COL28A1: variants seen among roughly 807,000 people sequenced by gnomAD.
COL28A1 encodes collagen alpha-1(XXVIII) chain.
A neutral mutation model predicts 150.2 loss-of-function variants in COL28A1; 161 were observed. The ratio of observed to expected loss-of-function variants is 1.07; its 90% CI spans 0.94 to 1.22. COL28A1 has a LOEUF of 1.22. Among genes scored for constraint, COL28A1 ranks in the 50% most tolerant of loss-of-function variants. The pLI is 0.00. For missense variants in COL28A1, 1,617 were observed against 1,388.3 expected (o/e 1.16, Z -2.62); for synonymous variants, 552 against 469.7 (o/e 1.18, Z -2.26).
At chr7:7,342,795 G>T in the COL28A1 span, among the ~76,000 whole-genome samples, 1 of 151,666 alleles carries the variant, frequency 6.6e-6, no homozygotes, top group Admixed American at 6.6e-5. Flanking sequence ...AATATTATTT[G>T]GGCAATGTTC....
chr7:7,398,753 G>C (rs918246300), intron 27 of COL28A1, among the ~76,000 whole-genome samples: 1 of 152,078 alleles, frequency 6.6e-6, no homozygotes, highest in African/African-American at 2.4e-5. Context: ...AGAGAGACAG[G>C]GTTGCCTTTA....
At chr7:7,503,984 C>T (rs928939972) in intron 11 of COL28A1, among the ~76,000 whole-genome samples, 19 of 151,972 alleles carry the variant, frequency 1.3e-4, no homozygotes, top group African/African-American at 4.4e-4. Flanking sequence ...AAAGAGAGGC[C>T]CTTGGGAAAT....
At chr7:7,359,718 G>C (rs10952051) in intron 34 of COL28A1, among the ~76,000 whole-genome samples, 118,078 of 151,962 alleles carry the variant, frequency 0.78, 46,061 homozygotes, top group East Asian at 0.88. Context: ...TTGGGGTATG[G>C]CTCGGTTCAT....
intron 15 of COL28A1, among the ~76,000 whole-genome samples, chr7:7,462,096 A>G (rs1180400879): frequency 6.6e-6 from 1 of 152,176 alleles, no homozygotes; most frequent in African/African-American, 2.4e-5. Context: ...AGCCCGGTAG[A>G]CTTGCTGGAT....
chr7:7,398,397 G>C (rs1263635675), intron 27 of COL28A1, among the ~76,000 whole-genome samples: 2 of 152,148 alleles, frequency 1.3e-5, no homozygotes, highest in African/African-American at 2.4e-5. Context: ...GATTGGACAA[G>C]TAGCAAATGA....
At chr7:7,471,354 C>T (rs957747763) in intron 15 of COL28A1, among the ~76,000 whole-genome samples, 14 of 152,090 alleles carry the variant, frequency 9.2e-5, no homozygotes, top group African/African-American at 2.9e-4. Context: ...AGGGAACCCT[C>T]CCTGAATCAT....
At chr7:7,497,808 T>A (rs1183622471) in intron 11 of COL28A1, among the ~76,000 whole-genome samples, 1 of 152,176 alleles carries the variant, frequency 6.6e-6, no homozygotes, top group Admixed American at 6.5e-5. Context: ...CACTTAATGT[T>A]AAAAGTAATG....
chr7:7,380,550 T>C (rs761798963), intron 30 of COL28A1, 110 bp downstream of exon 30: 53 of 911,158 alleles, frequency 5.8e-5, no homozygotes, highest in African/African-American at 8.4e-5. Context: ...CTCATTTAAA[T>C]AGAAACTGGG....
intron 27 of COL28A1, among the ~76,000 whole-genome samples, chr7:7,410,536 T>C: frequency 6.6e-6 from 1 of 152,178 alleles, no homozygotes; most frequent in East Asian, 1.9e-4. Context: ...AAACACATCG[T>C]CTATGCTATG....
rs769708782 is a variant in COL28A1, at chr7:7,373,088, G to C, written c.2818C>G (p.Pro940Ala). The change falls in exon 32 of 35, where the codon CCC (proline) becomes GCC (alanine). Residue 940 changes from proline (P) to alanine (A), a missense_variant. Physicochemically the swap from Pro to Ala is conservative, Grantham distance 27. Transcript: ENST00000399429. This position sits in a 1 kb window ranked among gnomAD's most constrained non-coding sequence, Gnocchi z 4.1. ...TCTTTGTGGAATATTTCAAAGTTGG[G>C]ATCATTTTTCTTCACCACCCCTATC... ...FVIGVVKKND[P>A]NFEIFHKEMN... is the part of the protein sequence containing the mutation. 1 of 1,614,080 alleles carries C rather than the reference G, an allele frequency of 6.2e-7. No homozygotes were observed. Among genetic ancestry groups the C allele is most frequent in the Non-Finnish European group, 8.5e-7 (1 of 1,179,974 alleles).
chr7:7,505,514 T>A (rs1201828929), intron 11 of COL28A1, among the ~76,000 whole-genome samples: 1 of 152,182 alleles, frequency 6.6e-6, no homozygotes, highest in Non-Finnish European at 1.5e-5. Flanking sequence ...CCTCCCTATT[T>A]GTCTTGGCTG....
intron 3 of COL28A1, among the ~76,000 whole-genome samples, chr7:7,528,976 A>G (rs758768573): frequency 6.6e-6 from 1 of 152,162 alleles, no homozygotes; most frequent in Non-Finnish European, 1.5e-5. Context: ...GAAAGGGATT[A>G]GATAAAGAAT....
chr7:7,351,314 C>T (rs960717729), downstream of COL28A1, among the ~76,000 whole-genome samples: 1 of 152,152 alleles, frequency 6.6e-6, no homozygotes, highest in African/African-American at 2.4e-5. Flanking sequence ...ACAATAATAA[C>T]ACAATTATTA....
rs545566703 is a variant in COL28A1, at chr7:7,462,716, G to A, written c.1303-6604C>T. ...TCTACTAAAAATACAAAAATTAGCCGGGCGTGGTGGCACATGCCTGTAATC... is the reference window on the plus strand; with the variant it reads ...TCTACTAAAAATACAAAAATTAGCCAGGCGTGGTGGCACATGCCTGTAATC... On this transcript the variant is annotated intron_variant, in intron 15 of 34. Coordinates refer to ENST00000399429, the MANE Select transcript of COL28A1 (RefSeq NM_001037763.3). Among the ~76,000 whole-genome samples the A allele has an allele frequency of 5.3e-5, 8 of 152,104 alleles. No homozygotes were observed. In the South Asian group the frequency reaches 6.2e-4, roughly 12 times the overall value.
chr7:7,431,926 G>A (rs1785005637), intron 25 of COL28A1, among the ~76,000 whole-genome samples: 1 of 152,196 alleles, frequency 6.6e-6, no homozygotes, highest in African/African-American at 2.4e-5. Flanking sequence ...GGAAAGGAAG[G>A]AACAAAGGAT....
chr7:7,355,487 G>A (rs1780325663), downstream of COL28A1, among the ~76,000 whole-genome samples: 3 of 152,108 alleles, frequency 2.0e-5, no homozygotes, highest in South Asian at 2.1e-4. Context: ...GCAGGCGGCT[G>A]TAGTCCTAGC....
downstream of COL28A1, among the ~76,000 whole-genome samples, chr7:7,355,853 C>A (rs904358123): frequency 2.6e-5 from 4 of 152,230 alleles, no homozygotes; most frequent in East Asian, 7.7e-4. Context: ...CCCAGAAAAA[C>A]ACTGATGTGT....
chr7:7,446,721 G>A (rs551581145), intron 18 of COL28A1, among the ~76,000 whole-genome samples: 1 of 152,282 alleles, frequency 6.6e-6, no homozygotes, highest in African/African-American at 2.4e-5. Context: ...CCAATCAAAT[G>A]CTTTAATTTC....
chr7:7,474,338 A>G (rs1378621540), intron 15 of COL28A1, among the ~76,000 whole-genome samples: 2 of 152,110 alleles, frequency 1.3e-5, no homozygotes, highest in Non-Finnish European at 2.9e-5. Flanking sequence ...AATTGGGTTC[A>G]GTGTATACTG....
Sources: gnomAD v4.1 joint callset for allele counts (sites outside exome capture counted in the v4.1 genomes callset) on GRCh38, gnomAD v4.1.1 for gene constraint, Gnocchi (gnomAD v3.1) non-coding constraint, MANE v1.5 for transcripts, NCBI Gene and HGNC (gene_info 2026-07-23, HGNC 2026-07-21) for gene names.